ATP13A1: variants seen among roughly 807,000 people sequenced by gnomAD.
ATP13A1 encodes the protein ATPase 13A1, also known as endoplasmic reticulum transmembrane helix translocase.
Under a neutral mutation model 134.8 loss-of-function variants are expected in ATP13A1, and 55 were observed. The ratio of observed to expected loss-of-function variants is 0.41; its 90% confidence interval spans 0.33 to 0.51. The LOEUF is 0.51. Ranked by LOEUF, ATP13A1 falls within the 20% of genes least tolerant of loss-of-function variation. The pLI, the probability that ATP13A1 is intolerant of heterozygous loss-of-function variation, is 0.29. For missense variants in ATP13A1, 1,389 were observed against 1,652.8 expected (o/e 0.84, Z 2.77); for synonymous variants, 775 against 725.1 (o/e 1.07, Z -1.10).
At chr19:19,649,355 C>T (rs1399468195) in intron 19 of ATP13A1, among the ~76,000 whole-genome samples, 2 of 152,246 alleles carry the variant, frequency 1.3e-5, no homozygotes, top group Non-Finnish European at 2.9e-5. Context: ...CTTGTTGCCT[C>T]TCTCCTGGCC....
In ATP13A1 at chr19:19,656,707, T is replaced by C. The variant is rs746367854; in HGVS notation, c.1036A>G (p.Ile346Val). 6.2e-7 allele frequency: 1 copy of C among 1,613,826 alleles called. No homozygotes were observed. Among genetic ancestry groups the C allele is most frequent in the East Asian group, 2.2e-5 (1 of 44,882 alleles). The change falls in exon 7 of 26, where the codon ATC becomes GTC. Residue 346 changes from isoleucine to valine, a missense_variant. Coordinates refer to ENST00000357324, the MANE Select transcript of ATP13A1 (RefSeq NM_020410.3). This position sits in a 1 kb window ranked among gnomAD's most constrained non-coding sequence, Gnocchi z 4.6. ...CDVLLLRGRC[I>V]VDEAMLTGES... ...CCCGTGAGCATGGCCTCGTCTACGA[T>C]GCAGCGGCCTCGCAGCAGAAGCACG...
At position 19,651,801 on chromosome 19, in the gene ATP13A1, G is replaced by A; in HGVS notation, c.2227-4C>T. ...TGTCTCCCGTGATCATGACCACCTTGGGTAAAGAGGGGCAGAGGCTCAGCA... is the reference window on the plus strand; with the variant it reads ...TGTCTCCCGTGATCATGACCACCTTAGGTAAAGAGGGGCAGAGGCTCAGCA... On this transcript the variant is annotated splice_region_variant and splice_polypyrimidine_tract_variant and intron_variant, in intron 16 of 25. Coordinates refer to ENST00000357324, the MANE Select transcript of ATP13A1 (RefSeq NM_020410.3). The A allele has an allele frequency of 6.2e-7, 1 of 1,609,064 alleles. No homozygotes were observed. Among genetic ancestry groups the A allele is most frequent in the Non-Finnish European group, 8.5e-7 (1 of 1,176,910 alleles).
chr19:19,647,692 T>A lies in ATP13A1; in HGVS notation c.2700A>T (p.Pro900=). 6.2e-7 allele frequency: 1 copy of A among 1,612,056 alleles called. No homozygotes were observed. Reference sequence around the variant, plus strand: ...CTCTGATGCCACTGTTGCTCAGGGTTGGGCTGTCCCGGGGCCGCCGTCGCC... The same window carrying A: ...CTCTGATGCCACTGTTGCTCAGGGTAGGGCTGTCCCGGGGCCGCCGTCGCC... ...VERRRRPRDS[P]TLSNSGIRAT... is the part of the protein sequence containing the mutation. Residue 900 remains proline (P), a synonymous_variant, in exon 20 of 26, where the codon CCA becomes CCT. Transcript: ENST00000357324. The surrounding 1 kb of genome is among the most constrained non-coding windows in gnomAD (Gnocchi z 4.8).
In ATP13A1 at chr19:19,649,728, G is replaced by A. The variant is rs1239415077; in HGVS notation, c.2535+13C>T. The A allele has an allele frequency of 1.9e-6, 3 of 1,610,282 alleles. No individual in the cohort carries two copies. The highest frequency in any genetic ancestry group is 2.5e-6 in the Non-Finnish European group (3 of 1,177,826). On this transcript the variant is annotated intron_variant, in intron 18 of 25. Transcript: ENST00000357324. ...TACCGCTGTGCCCCTGACCCCTAGG[G>A]CTGTGCACATACCTTCTGCTTGGGA...
chr19:19,650,288 C>A (rs1186777141), intron 17 of ATP13A1: 1 of 329,370 alleles, frequency 3.0e-6, no homozygotes, highest in Non-Finnish European at 5.6e-6. Context: ...CCTTGGGAAA[C>A]CCCACACCAG....
Position 19,655,017 on chromosome 19 carries a change from C to T in ATP13A1, c.1655+102G>A, listed in dbSNP as rs980586181. ...AATGAACCCGAGGCAGGGCCTCTGA[C>T]GGGCCCTCACTGCAAGGGCTTGGGG... is the stretch of plus-strand genomic sequence containing the variant. On this transcript the variant is annotated intron_variant, in intron 12 of 25. Coordinates refer to ENST00000357324, the MANE Select transcript of ATP13A1 (RefSeq NM_020410.3). The surrounding 1 kb of genome is among the most constrained non-coding windows in gnomAD (Gnocchi z 5.7). 86 of 1,502,988 alleles carry T rather than the reference C, an allele frequency of 5.7e-5. No individual in the cohort carries two copies. Among genetic ancestry groups the T allele is most frequent in the Middle Eastern group, 2.4e-4 (1 of 4,204 alleles). 93.1% of individuals were successfully genotyped at this position (1,502,988 alleles called of 1,614,324 possible).
Position 19,655,863 on chromosome 19 carries a change from G to T in ATP13A1, c.1269+15C>A. 1.3e-6 allele frequency: 2 copies of T among 1,574,008 alleles called. No homozygotes were observed. Among genetic ancestry groups the T allele is most frequent in the Non-Finnish European group, 8.6e-7 (1 of 1,165,552 alleles). On this transcript the variant is annotated intron_variant, in intron 9 of 25. Coordinates refer to ENST00000357324, the MANE Select transcript of ATP13A1 (RefSeq NM_020410.3). This position sits in a 1 kb window ranked among gnomAD's most constrained non-coding sequence, Gnocchi z 5.7. ...ACTGCCCTGGGGCCCGCCCTCCCCAGACCTGGCCCCGCACCTGGGATGTGT... is the reference window on the plus strand; with the variant it reads ...ACTGCCCTGGGGCCCGCCCTCCCCATACCTGGCCCCGCACCTGGGATGTGT...
In ATP13A1 at chr19:19,656,598, C is replaced by A; in HGVS notation, c.1083+62G>T. The A allele has an allele frequency of 2.6e-6, 4 of 1,532,094 alleles. No homozygotes were observed. The highest frequency in any genetic ancestry group is 3.6e-6 in the Non-Finnish European group (4 of 1,124,144). 94.9% of individuals were successfully genotyped at this position (1,532,094 alleles called of 1,614,324 possible). ...AGGGGGATCCCCGCCACCCCCTGGG[C>A]CTCCACCTCCTGGCCTGTTTCCTCC... is the stretch of plus-strand genomic sequence containing the variant. On this transcript the variant is annotated intron_variant, in intron 7 of 25. Transcript: ENST00000357324. The surrounding 1 kb of genome is among the most constrained non-coding windows in gnomAD (Gnocchi z 4.6).
Position 19,645,861 on chromosome 19 carries a change from G to T in ATP13A1, c.3360+13C>A. On this transcript the variant is annotated intron_variant, in intron 24 of 25. Coordinates refer to ENST00000357324, the MANE Select transcript of ATP13A1 (RefSeq NM_020410.3). The surrounding 1 kb of genome is among the most constrained non-coding windows in gnomAD (Gnocchi z 4.1). ...GGCAGACAGTGAATGTTTGGGCAGG[G>T]CCCAGGCCTTACTTTGTAATTGATG... The T allele has an allele frequency of 2.5e-6, 4 of 1,613,546 alleles. No individual in the cohort carries two copies. The highest frequency in any genetic ancestry group is 3.4e-6 in the Non-Finnish European group (4 of 1,179,734).
intron 1 of ATP13A1, chr19:19,662,071 C>A: frequency 6.3e-7 from 1 of 1,575,056 alleles, no homozygotes; most frequent in Admixed American, 1.8e-5. Context: ...AAACCCAGAT[C>A]CACCTCTCCT....
At chr19:19,654,201 C>T (rs1364835202) in intron 13 of ATP13A1, 57 bp from the exon 14 acceptor site, 2 of 1,497,422 alleles carry the variant, frequency 1.3e-6, no homozygotes, top group African/African-American at 2.8e-5. Context: ...GCAGCCAAGC[C>T]CCTACCTCTC....
At position 19,655,497 on chromosome 19, in the gene ATP13A1, C is replaced by T. The variant is rs370863066; in HGVS notation, c.1396+31G>A. On this transcript the variant is annotated intron_variant, in intron 10 of 25. Coordinates refer to ENST00000357324, the MANE Select transcript of ATP13A1 (RefSeq NM_020410.3). This position sits in a 1 kb window ranked among gnomAD's most constrained non-coding sequence, Gnocchi z 5.7. ...CCAACCTGGAGCCTCGGAGGGTGGG[C>T]GCAGGGGACCACAGAGGCCGTGGCG... 6.7e-5 allele frequency: 108 copies of T among 1,613,768 alleles called. No homozygotes were observed. Among genetic ancestry groups the T allele is most frequent in the Non-Finnish European group, 8.5e-5 (100 of 1,179,864 alleles).
chr19:19,651,586 C>T (rs972069061), intron 17 of ATP13A1, 103 bp downstream of exon 17: 2 of 832,472 alleles, frequency 2.4e-6, no homozygotes, highest in Non-Finnish European at 3.7e-6. Flanking sequence ...CATTTGAAGA[C>T]ACTGTGCTGC....
In ATP13A1 at chr19:19,663,369, C is replaced by T; in HGVS notation, c.298G>A (p.Ala100Thr). 1 of 1,589,992 alleles carries T rather than the reference C, an allele frequency of 6.3e-7. No homozygotes were observed. The highest frequency in any genetic ancestry group is 8.5e-7 in the Non-Finnish European group (1 of 1,169,758). ...CAGATGGTGGCAAGCACGAGCAGCG[C>T]AGCTTCGGGGATCTGCACCCAACTG... Reference protein sequence around the residue: ...GSSWVQIPEAALLVLATICLA... With the variant: ...GSSWVQIPEATLLVLATICLA... The change falls in exon 1 of 26, where the codon GCG becomes ACG. Residue 100 changes from alanine (A) to threonine (T), a missense_variant. Physicochemically the swap from Ala to Thr is moderately conservative, Grantham distance 58. Coordinates refer to ENST00000357324, the MANE Select transcript of ATP13A1 (RefSeq NM_020410.3).
intron 1 of ATP13A1, among the ~76,000 whole-genome samples, chr19:19,661,692 G>A (rs1443320604): frequency 6.6e-6 from 1 of 152,200 alleles, no homozygotes; most frequent in African/African-American, 2.4e-5. Context: ...CTCGTTCAGT[G>A]CTCCCTGGAC....
intron 2 of ATP13A1, 33 bp from the exon 3 acceptor site, chr19:19,659,824 C>T: frequency 1.9e-6 from 3 of 1,607,590 alleles, no homozygotes; most frequent in Non-Finnish European, 2.6e-6. Context: ...CACAGAGGCC[C>T]CTGACCTTGG....
At chr19:19,661,812 ACCGCACGGGTGGTTCATGGGCCT>A (rs1163162945) in intron 1 of ATP13A1, among the ~76,000 whole-genome samples, 1 of 152,198 alleles carries the variant, frequency 6.6e-6, no homozygotes, top group Non-Finnish European at 1.5e-5. Context: ...ACAAAGCGCC[ACCGCACGGGTGGTTCATGGGCCT>A]CCAAAGCAGG....
Position 19,649,950 on chromosome 19 carries a change from G to A in ATP13A1, c.2336-10C>T, listed in dbSNP as rs1413491850. ...CACTCGCACTGCCGGCCTGCGGGCAGCACCTAGGGTTAGGGCTGGGGGCTT... is the reference window on the plus strand; with the variant it reads ...CACTCGCACTGCCGGCCTGCGGGCAACACCTAGGGTTAGGGCTGGGGGCTT... On this transcript the variant is annotated splice_polypyrimidine_tract_variant and intron_variant, in intron 17 of 25. Coordinates refer to ENST00000357324, the MANE Select transcript of ATP13A1 (RefSeq NM_020410.3). The A allele has an allele frequency of 6.3e-7, 1 of 1,579,580 alleles. No individual in the cohort carries two copies. Among genetic ancestry groups the A allele is most frequent in the South Asian group, 1.1e-5 (1 of 88,860 alleles).
chr19:19,645,542 C>A lies in ATP13A1; in HGVS notation c.3505-10G>T, dbSNP rs374619003. On this transcript the variant is annotated splice_polypyrimidine_tract_variant and intron_variant, in intron 25 of 25. Transcript: ENST00000357324. This position sits in a 1 kb window ranked among gnomAD's most constrained non-coding sequence, Gnocchi z 4.1. The stretch of plus-strand genomic sequence containing the variant: ...CAATGACCAGCTTGAACTGTCGGGG[C>A]AGGGAGGGATGGTGAGCTGGAGACC... 4 of 1,587,250 alleles carry A rather than the reference C, an allele frequency of 2.5e-6. No individual in the cohort carries two copies. Among genetic ancestry groups the A allele is most frequent in the Non-Finnish European group, 3.4e-6 (4 of 1,167,150 alleles).
Sources: gnomAD v4.1 joint callset for allele counts (sites outside exome capture counted in the v4.1 genomes callset) on GRCh38, gnomAD v4.1.1 for gene constraint, Gnocchi (gnomAD v3.1) non-coding constraint, MANE v1.5 for transcripts, NCBI Gene and HGNC (gene_info 2026-07-23, HGNC 2026-07-21) for gene names.